Variants in CSMD1 observed in about 807,000 individuals in gnomAD.
The protein encoded by CSMD1 is CUB and Sushi multiple domains 1.
Under a neutral mutation model 417.5 loss-of-function variants are expected in CSMD1, and 213 were observed. That is an observed-to-expected ratio of 0.51 (90% CI 0.46 to 0.57). The LOEUF (loss-of-function observed/expected upper bound fraction) is 0.57, where lower values mean the gene tolerates loss of function less well. Among genes scored for constraint, CSMD1 ranks in the 20% least tolerant of loss-of-function variants. The probability of loss-of-function intolerance (pLI) is 0.00; values close to 1 mark genes in which losing one functional copy is unlikely to be tolerated. For synonymous variants in CSMD1, 2,862 were observed against 1,736.8 expected, an observed-to-expected ratio of 1.65 and a Z score of -16.11; for missense variants, 6,923 against 4,529.7, an observed-to-expected ratio of 1.53 and a Z score of -15.17.
chr8:3,381,379 A>G (rs1233499729), intron 18 of CSMD1, among the ~76,000 whole-genome samples: 1 of 152,178 alleles, frequency 6.6e-6, no homozygotes, highest in African/African-American at 2.4e-5. Flanking sequence ...TCATCCAAGA[A>G]AGCCATATGT....
At chr8:4,828,901 T>G (rs1208360750) in intron 1 of CSMD1, among the ~76,000 whole-genome samples, 1 of 152,166 alleles carries the variant, frequency 6.6e-6, no homozygotes, top group Non-Finnish European at 1.5e-5. Flanking sequence ...CTCGTCCCAG[T>G]ACTTAATGTG....
chr8:3,949,909 C>G (rs1356157482), intron 5 of CSMD1: 2 of 455,736 alleles, frequency 4.4e-6, no homozygotes, highest in East Asian at 1.4e-4. Flanking sequence ...ATGGGAAGCT[C>G]CAGGTGTTGA....
At chr8:3,342,154 G>T (rs182322017) in intron 23 of CSMD1, among the ~76,000 whole-genome samples, 2 of 152,136 alleles carry the variant, frequency 1.3e-5, no homozygotes, top group East Asian at 1.9e-4. Context: ...GTGAAAAACT[G>T]GTTTCCTCAT....
At chr8:3,616,560 G>A (rs903806500) in intron 8 of CSMD1, 150 bp downstream of exon 8, 4 of 599,748 alleles carry the variant, frequency 6.7e-6, no homozygotes, top group African/African-American at 5.6e-5. Context: ...AATCTCTGAA[G>A]ACAAATTGTG....
At chr8:4,880,684 C>T (rs1179818581) in intron 1 of CSMD1, among the ~76,000 whole-genome samples, 2 of 151,980 alleles carry the variant, frequency 1.3e-5, no homozygotes, top group Admixed American at 1.3e-4. Context: ...ACTTTTCTGC[C>T]GTGCCTGTTC....
chr8:3,761,182 A>G (rs769055758), intron 5 of CSMD1, among the ~76,000 whole-genome samples: 5 of 152,170 alleles, frequency 3.3e-5, no homozygotes, highest in Non-Finnish European at 7.3e-5. Flanking sequence ...TTTGGACATT[A>G]GGAAAAGCGA....
At chr8:3,531,454 A>G (rs1261139193) in intron 10 of CSMD1, among the ~76,000 whole-genome samples, 1 of 152,154 alleles carries the variant, frequency 6.6e-6, no homozygotes, top group African/African-American at 2.4e-5. Context: ...CCCTCAAAAA[A>G]TCAAATATAA....
At chr8:2,939,117 T>C (rs540538972) in intron 69 of CSMD1, among the ~76,000 whole-genome samples, 3 of 152,196 alleles carry the variant, frequency 2.0e-5, no homozygotes, top group African/African-American at 7.2e-5. Flanking sequence ...GATTTACTTA[T>C]GCTTCCTACA....
chr8:4,776,556 C>T (rs796154074), intron 1 of CSMD1, among the ~76,000 whole-genome samples: 61 of 152,254 alleles, frequency 4.0e-4, no homozygotes, highest in African/African-American at 1.0e-3. Context: ...AATTCCACTA[C>T]GGGCTGCATT....
chr8:4,210,175 G>A (rs935739236), intron 3 of CSMD1, among the ~76,000 whole-genome samples: 1 of 152,192 alleles, frequency 6.6e-6, no homozygotes, highest in East Asian at 1.9e-4. Context: ...TGCTGCCTCA[G>A]CCCATCTGTG....
At chr8:3,244,676 A>G (rs1248677490) in intron 26 of CSMD1, among the ~76,000 whole-genome samples, 2 of 152,170 alleles carry the variant, frequency 1.3e-5, no homozygotes, top group African/African-American at 4.8e-5. Flanking sequence ...GTGGCTGACA[A>G]TCTGAGCCCT....
intron 3 of CSMD1, among the ~76,000 whole-genome samples, chr8:4,185,585 T>G (rs1183400637): frequency 6.6e-6 from 1 of 152,162 alleles, no homozygotes; most frequent in East Asian, 1.9e-4. Flanking sequence ...GTATCCTACC[T>G]ATCTAGTAAA....
intron 8 of CSMD1, among the ~76,000 whole-genome samples, chr8:3,588,999 C>T (rs925748923): frequency 2.6e-5 from 4 of 152,014 alleles, no homozygotes; most frequent in Non-Finnish European, 5.9e-5. Flanking sequence ...CACTAATCAT[C>T]AGGGAAATGC....
chr8:4,085,579 G>T (rs1395148947), intron 3 of CSMD1, among the ~76,000 whole-genome samples: 1 of 152,112 alleles, frequency 6.6e-6, no homozygotes. Flanking sequence ...GAATATGAAA[G>T]AAACTATCGA....
At chr8:4,652,419 T>A (rs185320329) in intron 1 of CSMD1, among the ~76,000 whole-genome samples, 2 of 152,082 alleles carry the variant, frequency 1.3e-5, no homozygotes, top group East Asian at 3.9e-4. Context: ...TGGGAGGAAG[T>A]GGGAATTTCC....
At chr8:4,098,778 G>C (rs1030379187) in intron 3 of CSMD1, among the ~76,000 whole-genome samples, 14 of 152,140 alleles carry the variant, frequency 9.2e-5, no homozygotes, top group African/African-American at 2.9e-4. Context: ...TAGAATTGCA[G>C]TCATTACTAA....
intron 3 of CSMD1, among the ~76,000 whole-genome samples, chr8:4,082,810 T>C (rs1186095999): frequency 7.6e-5 from 10 of 132,384 alleles, no homozygotes; most frequent in African/African-American, 2.6e-4. Context: ...TTCCCTTTCC[T>C]GTGTCCATGC....
chr8:2,974,677 G>C, intron 55 of CSMD1, 53 bp from the exon 56 acceptor site: 1 of 1,393,554 alleles, frequency 7.2e-7, no homozygotes, highest in Non-Finnish European at 9.6e-7. Context: ...AAACCACTTT[G>C]TATTGGAAAA....
intron 18 of CSMD1, among the ~76,000 whole-genome samples, chr8:3,380,679 A>T (rs1021017961): frequency 6.6e-6 from 1 of 152,124 alleles, no homozygotes; most frequent in African/African-American, 2.4e-5. Context: ...CATAAGAGGG[A>T]GCTGAACAAT....
Sources: allele counts gnomAD v4.1 joint callset (sites outside exome capture counted in the v4.1 genomes callset), GRCh38; gene constraint gnomAD v4.1.1; transcripts MANE v1.5; gene names NCBI Gene and HGNC (gene_info 2026-07-23, HGNC 2026-07-21).